FEZF2: variants seen among roughly 807,000 people sequenced by gnomAD.
FEZF2 encodes the protein FEZ family zinc finger 2.
A neutral mutation model predicts 32.8 loss-of-function variants in FEZF2; 2 were observed. That is an observed-to-expected ratio of 0.06 (90% CI 0.02 to 0.19). The LOEUF (loss-of-function observed/expected upper bound fraction) is 0.19. Ranked by LOEUF, FEZF2 falls within the 10% of genes least tolerant of loss-of-function variation. The pLI, the probability that FEZF2 is intolerant of heterozygous loss-of-function variation, is 1.00. For synonymous variants in FEZF2, 322 were observed against 284.8 expected, an observed-to-expected ratio of 1.13 and a Z score of -1.32; for missense variants, 516 against 625.4, an observed-to-expected ratio of 0.83 and a Z score of 1.87.
chr3:62,371,625 G>A lies in FEZF2; in HGVS notation c.895C>T (p.His299Tyr). 1 of 1,614,144 alleles carries A rather than the reference G, an allele frequency of 6.2e-7. No homozygotes were observed. Among genetic ancestry groups the A allele is most frequent in the Non-Finnish European group, 8.5e-7 (1 of 1,180,008 alleles). The change falls in exon 3 of 5, where the codon CAC becomes TAC. Residue 299 changes from histidine to tyrosine, a missense_variant. Around this residue, in one of 3 missense-constraint regions of FEZF2, gnomAD observed 79 missense variants for 219.4 expected, o/e 0.36. Transcript: ENST00000283268. ...HYNLTRHMPVHTGARPFVCKV... is the reference protein window; with the variant it reads ...HYNLTRHMPVYTGARPFVCKV... ...CACACGAACGGTCTGGCTCCGGTGT[G>A]GACCGGCATGTGGCGGGTGAGATTA...
chr3:62,370,357 G>T lies in FEZF2; in HGVS notation c.1121-15C>A. 6.2e-7 allele frequency: 1 copy of T among 1,610,694 alleles called. No individual in the cohort carries two copies. Among genetic ancestry groups the T allele is most frequent in the Non-Finnish European group, 8.5e-7 (1 of 1,177,928 alleles). On this transcript the variant is annotated splice_polypyrimidine_tract_variant and intron_variant, in intron 4 of 4. Transcript: ENST00000283268. The surrounding 1 kb of genome is among the most constrained non-coding windows in gnomAD (Gnocchi z 4.2). ...CTTGTAGTTCCCTACAACAGATCAA[G>T]AACAAAAAACGTGGGGGTATGGAGT...
At position 62,369,918 on chromosome 3, in the gene FEZF2, A is replaced by T; in HGVS notation, c.*165T>A. 2 of 817,008 alleles carry T rather than the reference A, an allele frequency of 2.4e-6. No homozygotes were observed. The highest frequency in any genetic ancestry group is 2.2e-5 in the South Asian group (1 of 44,786). The allele number at this position is 817,008 out of a possible 1,614,324, so 50.6% of individuals were successfully genotyped here. A position where few individuals can be genotyped will look rare whatever the true frequency, so the allele number is the denominator to read the frequency against. On this transcript the variant is annotated 3_prime_UTR_variant, in exon 5 of 5. Coordinates refer to ENST00000283268, the MANE Select transcript of FEZF2 (RefSeq NM_018008.4). The surrounding 1 kb of genome is among the most constrained non-coding windows in gnomAD (Gnocchi z 4.2). ...AGGTGGGGGCCACGAGTTTGCTGCC[A>T]GTCATCGAGGAAACATTTAGCTTTC...
In FEZF2 at chr3:62,373,543, G is replaced by C. The variant is rs113297317; in HGVS notation, c.-323C>G. 1 of 152,082 alleles carries C rather than the reference G, an allele frequency of 6.6e-6. No homozygotes were observed. Among genetic ancestry groups the C allele is most frequent in the African/African-American group, 2.4e-5 (1 of 41,322 alleles). The allele number at this position is 152,082 out of a possible 1,614,324, so 9.4% of individuals were successfully genotyped here. On this transcript the variant is annotated 5_prime_UTR_variant, in exon 1 of 5. Transcript: ENST00000283268. This position sits in a 1 kb window ranked among gnomAD's most constrained non-coding sequence, Gnocchi z 5.5. ...GGCAACTGGCGCCCGCGCTCCTCTCGGGAAAGTGCGAGCGGTTTGCGAATA... is the reference window on the plus strand; with the variant it reads ...GGCAACTGGCGCCCGCGCTCCTCTCCGGAAAGTGCGAGCGGTTTGCGAATA...
chr3:62,370,756 C>G lies in FEZF2; in HGVS notation c.1121-414G>C, dbSNP rs994821515. Among the ~76,000 whole-genome samples, 2 of 152,130 alleles carry G rather than the reference C, an allele frequency of 1.3e-5. No individual in the cohort carries two copies. Among genetic ancestry groups the G allele is most frequent in the Non-Finnish European group, 2.9e-5 (2 of 68,028 alleles). On this transcript the variant is annotated intron_variant, in intron 4 of 4. Transcript: ENST00000283268. This position sits in a 1 kb window ranked among gnomAD's most constrained non-coding sequence, Gnocchi z 4.2. ...CTCATTTTTAAAGTTACTTCTTTCT[C>G]GCCCCCCAACTACCAACTGAAGATC...
intron 2 of FEZF2, 47 bp from the exon 3 acceptor site, chr3:62,371,714 T>A: frequency 6.4e-7 from 1 of 1,573,994 alleles, no homozygotes; most frequent in South Asian, 1.2e-5. Flanking sequence ...TCCGAGGGCC[T>A]ACAATCAGCC....
intron 2 of FEZF2, 55 bp downstream of exon 2, chr3:62,371,962 A>C (rs1056783874): frequency 1.9e-6 from 3 of 1,567,884 alleles, no homozygotes; most frequent in African/African-American, 2.7e-5. Flanking sequence ...GCCCCAAGGA[A>C]GCCGCCGCCG....
chr3:62,371,963 G>C (rs2148945547), intron 2 of FEZF2, 54 bp downstream of exon 2: 1 of 1,566,876 alleles, frequency 6.4e-7, no homozygotes, highest in Non-Finnish European at 8.6e-7. Context: ...CCCCAAGGAA[G>C]CCGCCGCCGC....
chr3:62,372,539 A>C lies in FEZF2; in HGVS notation c.330T>G (p.Gly110=). 7.7e-7 allele frequency: 1 copy of C among 1,303,266 alleles called. No individual in the cohort carries two copies. The highest frequency in any genetic ancestry group is 9.8e-7 in the Non-Finnish European group (1 of 1,022,466). 80.7% of individuals were successfully genotyped at this position (1,303,266 alleles called of 1,614,324 possible). A position where few individuals can be genotyped will look rare whatever the true frequency, so the allele number is the denominator to read the frequency against. ...GGGCCCCCCCGCCGCCGCCGCCGCC[A>C]CCGCCGCCGCCGCCTCCGCCGCCGC... is the stretch of plus-strand genomic sequence containing the variant. ...RAGGGGGGGG[G]GGGGGGGAPV... is the part of the protein sequence containing the mutation. The change falls in exon 2 of 5, where the codon GGT becomes GGG. Residue 110 remains glycine, a synonymous_variant. Coordinates refer to ENST00000283268, the MANE Select transcript of FEZF2 (RefSeq NM_018008.4). The surrounding 1 kb of genome is among the most constrained non-coding windows in gnomAD (Gnocchi z 9.6).
chr3:62,370,812 G>T lies in FEZF2; in HGVS notation c.1120+405C>A, dbSNP rs1403739944. On this transcript the variant is annotated intron_variant, in intron 4 of 4. Coordinates refer to ENST00000283268, the MANE Select transcript of FEZF2 (RefSeq NM_018008.4). This position sits in a 1 kb window ranked among gnomAD's most constrained non-coding sequence, Gnocchi z 4.2. ...GTGCCTTGGAAAATCCGATCCAGGG[G>T]CCAAGGATCATACCGGTTTCCCCCA... is the stretch of plus-strand genomic sequence containing the variant. 6.6e-6 allele frequency among the ~76,000 whole-genome samples: 1 copy of T among 152,216 alleles called. No individual in the cohort carries two copies. The highest frequency in any genetic ancestry group is 1.5e-5 in the Non-Finnish European group (1 of 68,042).
In FEZF2 at chr3:62,371,564, G is replaced by A; in HGVS notation, c.956C>T (p.Thr319Met). The stretch of plus-strand genomic sequence containing the variant: ...GTGGATAATTTTGTGCCTGCAGAGC[G>A]TGCTGGCCTGGCGAAAGCCTTTGCC... ...VCGKGFRQAS[T>M]LCRHKIIHTQ... Residue 319 changes from threonine to methionine, a missense_variant, in exon 3 of 5, where the codon ACG (threonine) becomes ATG (methionine). Physicochemically the swap from Thr to Met is moderately conservative, Grantham distance 81. This residue lies in a region of FEZF2 where 79 missense variants were observed against 219.4 expected (regional missense o/e 0.36). Coordinates refer to ENST00000283268, the MANE Select transcript of FEZF2 (RefSeq NM_018008.4). 6.2e-7 allele frequency: 1 copy of A among 1,613,922 alleles called. No homozygotes were observed. The highest frequency in any genetic ancestry group is 8.5e-7 in the Non-Finnish European group (1 of 1,179,908).
At chr3:62,371,940 G>A (rs762769186) in intron 2 of FEZF2, 77 bp downstream of exon 2, 4 of 1,530,462 alleles carry the variant, frequency 2.6e-6, no homozygotes, top group Non-Finnish European at 3.5e-6. Context: ...TGAAAAAGGG[G>A]CATTCCAGGC....
In FEZF2 at chr3:62,370,443, G is replaced by A; in HGVS notation, c.1121-101C>T. On this transcript the variant is annotated intron_variant, in intron 4 of 4. Transcript: ENST00000283268. This position sits in a 1 kb window ranked among gnomAD's most constrained non-coding sequence, Gnocchi z 4.2. ...GCAGCCCAGGTGCCTGCTCAAAAAAGGCGACGCTTGGCTAGGCGGGCGCGA... is the reference window on the plus strand; with the variant it reads ...GCAGCCCAGGTGCCTGCTCAAAAAAAGCGACGCTTGGCTAGGCGGGCGCGA... 2 of 1,263,470 alleles carry A rather than the reference G, an allele frequency of 1.6e-6. No individual in the cohort carries two copies. The highest frequency in any genetic ancestry group is 4.2e-5 in the Admixed American group (2 of 47,380). The allele number at this position is 1,263,470 out of a possible 1,614,324, so 78.3% of individuals were successfully genotyped here.
In FEZF2 at chr3:62,370,188, C is replaced by T. The variant is rs780835940; in HGVS notation, c.1275G>A (p.Gly425=). The T allele has an allele frequency of 2.0e-5, 33 of 1,614,036 alleles. No homozygotes were observed. Among genetic ancestry groups the T allele is most frequent in the Non-Finnish European group, 2.4e-5 (28 of 1,180,046 alleles). Residue 425 remains glycine, a synonymous_variant, in exon 5 of 5, where the codon GGG becomes GGA. Coordinates refer to ENST00000283268, the MANE Select transcript of FEZF2 (RefSeq NM_018008.4). The surrounding 1 kb of genome is among the most constrained non-coding windows in gnomAD (Gnocchi z 4.2). ...KPFTCATCGK[G]FCRNFDLKKH... is the part of the protein sequence containing the mutation. Reference sequence around the variant, plus strand: ...TCTTTAAGTCAAAGTTTCTGCAAAACCCTTTGCCGCAAGTGGCGCACGTGA... The same window carrying T: ...TCTTTAAGTCAAAGTTTCTGCAAAATCCTTTGCCGCAAGTGGCGCACGTGA...
chr3:62,373,122 G>T lies in FEZF2; in HGVS notation c.-59+157C>A. 3.5e-6 allele frequency: 1 copy of T among 289,128 alleles called. No homozygotes were observed. Among genetic ancestry groups the T allele is most frequent in the Non-Finnish European group, 6.4e-6 (1 of 156,060 alleles). The allele number at this position is 289,128 out of a possible 1,614,324, so 17.9% of individuals were successfully genotyped here. On this transcript the variant is annotated intron_variant, in intron 1 of 4. Transcript: ENST00000283268. This position sits in a 1 kb window ranked among gnomAD's most constrained non-coding sequence, Gnocchi z 5.5. ...GGACTTTGAAAGGGGGAAGAAGGGG[G>T]AGGGTTTACAAAAGAAAAGGGGGGG...
At position 62,370,832 on chromosome 3, in the gene FEZF2, C is replaced by G. The variant is rs1031446827; in HGVS notation, c.1120+385G>C. 6.6e-6 allele frequency among the ~76,000 whole-genome samples: 1 copy of G among 152,206 alleles called. No homozygotes were observed. Among genetic ancestry groups the G allele is most frequent in the Non-Finnish European group, 1.5e-5 (1 of 68,030 alleles). ...CAGGGGCCAAGGATCATACCGGTTT[C>G]CCCCAATCTTAGATTGTTCCCGGGA... On this transcript the variant is annotated intron_variant, in intron 4 of 4. Transcript: ENST00000283268. This position sits in a 1 kb window ranked among gnomAD's most constrained non-coding sequence, Gnocchi z 4.2.
At position 62,372,364 on chromosome 3, in the gene FEZF2, G is replaced by T; in HGVS notation, c.505C>A (p.Leu169Ile). ...GAGTCCAGGTAGTTGAAGTAGTAGA[G>T]CGAGCCGCTGGCCGGCAGCCCCACA... The part of the protein sequence containing the change: ...QAVGLPASGS[L>I]YYFNYLDSTA... The change falls in exon 2 of 5, where the codon CTC (leucine) becomes ATC (isoleucine). Residue 169 changes from leucine (L) to isoleucine (I), a missense_variant. By Grantham distance (5) the Leu-to-Ile change is conservative. Coordinates refer to ENST00000283268, the MANE Select transcript of FEZF2 (RefSeq NM_018008.4). This position sits in a 1 kb window ranked among gnomAD's most constrained non-coding sequence, Gnocchi z 9.6. The T allele has an allele frequency of 7.5e-6, 12 of 1,610,376 alleles. No homozygotes were observed. The highest frequency in any genetic ancestry group is 1.0e-5 in the Non-Finnish European group (12 of 1,179,680).
chr3:62,372,264 G>T lies in FEZF2; in HGVS notation c.605C>A (p.Ala202Asp). 2.5e-6 allele frequency: 4 copies of T among 1,588,306 alleles called. No homozygotes were observed. The highest frequency in any genetic ancestry group is 3.4e-6 in the Non-Finnish European group (4 of 1,167,544). The change falls in exon 2 of 5, where the codon GCC (alanine) becomes GAC (aspartate). Residue 202 changes from alanine (A) to aspartate (D), a missense_variant. Physicochemically the swap from Ala to Asp is moderately radical, Grantham distance 126. Around this residue, in one of 3 missense-constraint regions of FEZF2, gnomAD observed 408 missense variants for 382.2 expected, o/e 1.07. Transcript: ENST00000283268. This position sits in a 1 kb window ranked among gnomAD's most constrained non-coding sequence, Gnocchi z 9.6. ...PSGLLNAQAP[A>D]ALAAHPKLFL... ...GAGCTTGGGGTGAGCAGCCAGGGCG[G>T]CGGGGGCCTGCGCATTGAGGAGGCC...
chr3:62,372,910 G>C lies in FEZF2; in HGVS notation c.-42C>G. On this transcript the variant is annotated 5_prime_UTR_variant, in exon 2 of 5. Transcript: ENST00000283268. This position sits in a 1 kb window ranked among gnomAD's most constrained non-coding sequence, Gnocchi z 9.6. ...CCGAGCCAGGCTGGGCCAGGGCGCA[G>C]CCTCTCTCCTCTAAGTCTGCATTCC... is the stretch of plus-strand genomic sequence containing the variant. 1 of 1,359,270 alleles carries C rather than the reference G, an allele frequency of 7.4e-7. No homozygotes were observed. Among genetic ancestry groups the C allele is most frequent in the Non-Finnish European group, 9.5e-7 (1 of 1,050,176 alleles). 84.2% of individuals were successfully genotyped at this position (1,359,270 alleles called of 1,614,324 possible).
In FEZF2 at chr3:62,372,533, G is replaced by GCGGCCA; in HGVS notation, c.335_336insTGGCCG (p.Gly113_Gly114insArgGly). On this transcript the variant is annotated inframe_insertion, in exon 2 of 5. Coordinates refer to ENST00000283268, the MANE Select transcript of FEZF2 (RefSeq NM_018008.4). This position sits in a 1 kb window ranked among gnomAD's most constrained non-coding sequence, Gnocchi z 9.6. ...ACACTGGGGCCCCCCCGCCGCCGCC[G>GCGGCCA]CCGCCACCGCCGCCGCCGCCTCCGC... The GCGGCCA allele has an allele frequency of 7.7e-7, 1 of 1,305,432 alleles. No individual in the cohort carries two copies. The highest frequency in any genetic ancestry group is 3.0e-5 in the East Asian group (1 of 32,854). The allele number at this position is 1,305,432 out of a possible 1,614,324, so 80.9% of individuals were successfully genotyped here. A position where few individuals can be genotyped will look rare whatever the true frequency, so the allele number is the denominator to read the frequency against.
Sources: gnomAD v4.1 joint callset for allele counts (sites outside exome capture counted in the v4.1 genomes callset) on GRCh38, gnomAD v4.1.1 for gene constraint, gnomAD v4.1.1 regional missense constraint, Gnocchi (gnomAD v3.1) non-coding constraint, MANE v1.5 for transcripts, NCBI Gene and HGNC (gene_info 2026-07-23, HGNC 2026-07-21) for gene names.